PPFIA1: variants seen among roughly 807,000 people sequenced by gnomAD.
The protein encoded by PPFIA1 is PPFI scaffold protein A1, also known as liprin-alpha-1.
In PPFIA1, 25 loss-of-function variants were observed where a neutral mutation model predicts 149.9. The ratio of observed to expected loss-of-function variants is 0.17; its 90% CI spans 0.12 to 0.23. The LOEUF (loss-of-function observed/expected upper bound fraction) is 0.23. Among genes scored for constraint, PPFIA1 ranks in the 10% least tolerant of loss-of-function variants. PPFIA1 has a pLI of 1.00. For missense variants in PPFIA1, 1,362 were observed against 1,506.5 expected, an observed-to-expected ratio of 0.90 and a Z score of 1.59; for synonymous variants, 549 against 552.8, an observed-to-expected ratio of 0.99 and a Z score of 0.10.
intron 2 of PPFIA1, among the ~76,000 whole-genome samples, chr11:70,310,457 C>G (rs2136505234): frequency 6.7e-6 from 1 of 149,644 alleles, no homozygotes; most frequent in South Asian, 2.1e-4. Flanking sequence ...GCAATCTTGG[C>G]TCACTGCAAC....
chr11:70,316,177 T>C (rs2053616628), intron 2 of PPFIA1, among the ~76,000 whole-genome samples: 1 of 152,184 alleles, frequency 6.6e-6, no homozygotes, highest in Non-Finnish European at 1.5e-5. Flanking sequence ...GTTCAAGTGA[T>C]TCTCATGCCT....
At chr11:70,277,003 C>CTT (rs571511222) in intron 2 of PPFIA1, among the ~76,000 whole-genome samples, 1 of 87,386 alleles carries the variant, frequency 1.1e-5, no homozygotes, top group African/African-American at 5.1e-5. Context: ...TTAATTTCTA[C>CTT]TTTTTTTTTT....
chr11:70,353,264 T>C (rs867543319), intron 16 of PPFIA1, among the ~76,000 whole-genome samples: 1 of 152,188 alleles, frequency 6.6e-6, no homozygotes, highest in African/African-American at 2.4e-5. Context: ...CCACCTACTT[T>C]GGAGGCCGAG....
chr11:70,354,872 A>G (rs985774383), intron 17 of PPFIA1, among the ~76,000 whole-genome samples: 4 of 151,986 alleles, frequency 2.6e-5, no homozygotes, highest in African/African-American at 9.7e-5. Flanking sequence ...GTACTTACCA[A>G]TTTAGTGAGT....
At chr11:70,317,026 A>G (rs1449232195) in intron 2 of PPFIA1, among the ~76,000 whole-genome samples, 1 of 152,228 alleles carries the variant, frequency 6.6e-6, no homozygotes, top group East Asian at 1.9e-4. Context: ...TCAGATTTAT[A>G]TTTTAAATGA....
chr11:70,380,150 G>A (rs965961016), intron 26 of PPFIA1, among the ~76,000 whole-genome samples: 1 of 152,200 alleles, frequency 6.6e-6, no homozygotes, highest in South Asian at 2.1e-4. Flanking sequence ...GCTCACGCCT[G>A]TAATCCCAGC....
At chr11:70,341,833 G>A (rs2055349794) in intron 14 of PPFIA1, 1 of 152,804 alleles carries the variant, frequency 6.5e-6, no homozygotes. Flanking sequence ...TCAGGGAAGA[G>A]AGGAGAGCAG....
intron 7 of PPFIA1, 35 bp from the exon 8 acceptor site, chr11:70,330,138 C>G (rs1258955234): frequency 2.6e-6 from 4 of 1,528,326 alleles, no homozygotes; most frequent in East Asian, 2.3e-5. Flanking sequence ...CGTTAATTAC[C>G]TACTTTTTTG....
chr11:70,282,146 C>T (rs2050798398), intron 2 of PPFIA1, among the ~76,000 whole-genome samples: 1 of 152,128 alleles, frequency 6.6e-6, no homozygotes, highest in Non-Finnish European at 1.5e-5. Flanking sequence ...AGCAAGTGGC[C>T]TGCCCAGCGG....
At chr11:70,316,613 G>C (rs996865585) in intron 2 of PPFIA1, among the ~76,000 whole-genome samples, 4 of 152,152 alleles carry the variant, frequency 2.6e-5, no homozygotes, top group Non-Finnish European at 4.4e-5. Context: ...AGGCTCTGTT[G>C]CCCCTTTCCC....
chr11:70,293,428 G>A (rs1056189154), intron 2 of PPFIA1, among the ~76,000 whole-genome samples: 5 of 152,168 alleles, frequency 3.3e-5, no homozygotes, highest in Admixed American at 2.0e-4. Flanking sequence ...CTGCAATTTC[G>A]TTGGTATTTT....
In PPFIA1 at chr11:70,324,909, G is replaced by T; in HGVS notation, c.429G>T (p.Val143=). 1 of 1,613,574 alleles carries T rather than the reference G, an allele frequency of 6.2e-7. No homozygotes were observed. The highest frequency in any genetic ancestry group is 8.5e-7 in the Non-Finnish European group (1 of 1,179,638). ...ATGAGCGGTCTCTTAGGATGACCGT[G>T]GTGAAGAGACAAGCGCAGTCTCCAG... ...SRHERSLRMT[V]VKRQAQSPAG... is the part of the protein sequence containing the mutation. Residue 143 remains valine, a synonymous_variant, in exon 4 of 28, where the codon GTG becomes GTT. Transcript: ENST00000253925.
At chr11:70,355,149 C>T (rs1036323572) in intron 17 of PPFIA1, among the ~76,000 whole-genome samples, 12 of 152,098 alleles carry the variant, frequency 7.9e-5, no homozygotes, top group Admixed American at 1.3e-4. Flanking sequence ...ATAATCTGCC[C>T]GCCTCGGCCT....
intron 2 of PPFIA1, among the ~76,000 whole-genome samples, chr11:70,316,441 G>A (rs1163680130): frequency 1.3e-5 from 2 of 152,228 alleles, no homozygotes; most frequent in Admixed American, 6.5e-5. Flanking sequence ...TCAGCAAAAG[G>A]TTAGTGAAAT....
At chr11:70,276,673 G>A (rs1349385266) in intron 2 of PPFIA1, among the ~76,000 whole-genome samples, 1 of 152,050 alleles carries the variant, frequency 6.6e-6, no homozygotes, top group Non-Finnish European at 1.5e-5. Context: ...TTGTGAGAAG[G>A]AAAAATTTTA....
At chr11:70,344,824 G>C (rs1398781695) in intron 15 of PPFIA1, among the ~76,000 whole-genome samples, 4 of 152,208 alleles carry the variant, frequency 2.6e-5, no homozygotes, top group African/African-American at 9.6e-5. Context: ...TGTGTGTGTT[G>C]ACTGTTGGTG....
chr11:70,286,307 A>G (rs2051117881), intron 2 of PPFIA1, among the ~76,000 whole-genome samples: 1 of 152,190 alleles, frequency 6.6e-6, no homozygotes, highest in Non-Finnish European at 1.5e-5. Flanking sequence ...GCTGGAGTAC[A>G]AGGGCACAAT....
intron 26 of PPFIA1, chr11:70,381,080 G>A (rs2057694442): frequency 6.6e-6 from 1 of 152,022 alleles, no homozygotes; most frequent in African/African-American, 2.4e-5. Context: ...AATTACAGAC[G>A]CGAGCCACCG....
At chr11:70,275,767 C>T (rs2050346313) in intron 2 of PPFIA1, among the ~76,000 whole-genome samples, 1 of 152,152 alleles carries the variant, frequency 6.6e-6, no homozygotes, top group South Asian at 2.1e-4. Context: ...TTTTTGTCAT[C>T]TTTGCACAAA....
Sources: allele counts gnomAD v4.1 joint callset (sites outside exome capture counted in the v4.1 genomes callset), GRCh38; gene constraint gnomAD v4.1.1; transcripts MANE v1.5; gene names NCBI Gene and HGNC (gene_info 2026-07-23, HGNC 2026-07-21).